The following MAGI2 variants were observed in gnomAD, a reference collection of about 807,000 sequenced individuals.
MAGI2 encodes the protein membrane associated guanylate kinase, WW and PDZ domain containing 2, also known as membrane-associated guanylate kinase, WW and PDZ domain-containing protein 2.
A neutral mutation model predicts 133.3 loss-of-function variants in MAGI2; 35 were observed. The observed-to-expected ratio is 0.26, with a 90% CI of 0.20 to 0.35. MAGI2 has a LOEUF of 0.35. MAGI2 is among the 10% of genes least tolerant of loss of function. The pLI is 1.00. For missense variants in MAGI2, 1,636 were observed against 1,863.4 expected, an observed-to-expected ratio of 0.88 and a Z score of 2.25; for synonymous variants, 729 against 710.6, an observed-to-expected ratio of 1.03 and a Z score of -0.41.
intron 1 of MAGI2, among the ~76,000 whole-genome samples, chr7:79,245,850 G>A (rs950634911): frequency 1.6e-4 from 25 of 152,274 alleles, no homozygotes; most frequent in African/African-American, 5.5e-4. Flanking sequence ...TTCAGGTGTG[G>A]CCCAGCATGG....
intron 1 of MAGI2, chr7:79,411,689 A>G (rs1585883344): frequency 1.3e-5 from 2 of 152,262 alleles, no homozygotes; most frequent in Middle Eastern, 6.8e-3. Context: ...CAGCAGCATT[A>G]CAAAGTTAAC....
At chr7:78,225,324 C>T (rs543342316) in intron 10 of MAGI2, among the ~76,000 whole-genome samples, 1 of 151,908 alleles carries the variant, frequency 6.6e-6, no homozygotes, top group Non-Finnish European at 1.5e-5. Context: ...AGTGAAGACC[C>T]TTCCCACATT....
At chr7:79,126,770 T>C (rs529534416) in intron 1 of MAGI2, among the ~76,000 whole-genome samples, 1 of 151,980 alleles carries the variant, frequency 6.6e-6, no homozygotes, top group Admixed American at 6.6e-5. Flanking sequence ...CCAGACTTTT[T>C]TTTAAAAAAT....
At chr7:78,418,967 A>C (rs773343529) in intron 6 of MAGI2, among the ~76,000 whole-genome samples, 62 of 152,282 alleles carry the variant, frequency 4.1e-4, no homozygotes, top group Non-Finnish European at 7.9e-4. Context: ...GGTCAGCAAG[A>C]AATTGCCCCT....
At chr7:78,105,019 T>G (rs1386256169) in intron 20 of MAGI2, among the ~76,000 whole-genome samples, 2 of 152,234 alleles carry the variant, frequency 1.3e-5, no homozygotes, top group Non-Finnish European at 2.9e-5. Context: ...TTCTGAATTC[T>G]GTTTATCATT....
In MAGI2 at chr7:78,198,293, C is replaced by A. The variant is rs142668747; in HGVS notation, c.2079+2869G>T. Among the ~76,000 whole-genome samples, 1,222 of 152,224 alleles carry A rather than the reference C, an allele frequency of 8.0e-3. 20 individuals carry two copies. Among genetic ancestry groups the A allele is most frequent in the African/African-American group, 0.028 (1,183 of 41,518 alleles). On this transcript the variant is annotated intron_variant, in intron 11 of 21. Coordinates refer to ENST00000354212, the MANE Select transcript of MAGI2 (RefSeq NM_012301.4). ...TTCTATAGCTGAGAGAAGTCTGTAT[C>A]TCTTGGTGAATGAATGGATGTCTGT... is the stretch of plus-strand genomic sequence containing the variant.
intron 6 of MAGI2, among the ~76,000 whole-genome samples, chr7:78,457,866 C>T (rs1440477546): frequency 2.0e-5 from 3 of 152,178 alleles, no homozygotes; most frequent in Non-Finnish European, 4.4e-5. Flanking sequence ...CTTTTCAATA[C>T]ATTATACTTA....
At chr7:78,364,736 T>C (rs1194820981) in intron 7 of MAGI2, among the ~76,000 whole-genome samples, 1 of 152,196 alleles carries the variant, frequency 6.6e-6, no homozygotes, top group Non-Finnish European at 1.5e-5. Context: ...AAATGTACCC[T>C]GCAGACATAA....
At chr7:78,362,366 A>G (rs529221089) in intron 7 of MAGI2, among the ~76,000 whole-genome samples, 2 of 152,320 alleles carry the variant, frequency 1.3e-5, no homozygotes, top group South Asian at 2.1e-4. Context: ...ATGGTAGTTG[A>G]AAAGAAGTAT....
chr7:78,722,483 C>T (rs568098444), intron 2 of MAGI2, among the ~76,000 whole-genome samples: 1 of 152,032 alleles, frequency 6.6e-6, no homozygotes, highest in South Asian at 2.1e-4. Flanking sequence ...TCAAATGTTA[C>T]AAAATGAATT....
chr7:78,380,008 A>G (rs1032499500), intron 6 of MAGI2, among the ~76,000 whole-genome samples: 4 of 152,016 alleles, frequency 2.6e-5, no homozygotes, highest in African/African-American at 9.7e-5. Flanking sequence ...ATTAAATAAA[A>G]AATCTGTAGC....
At chr7:78,313,512 A>G (rs549719319) in intron 9 of MAGI2, among the ~76,000 whole-genome samples, 32 of 152,242 alleles carry the variant, frequency 2.1e-4, no homozygotes, top group African/African-American at 7.5e-4. Flanking sequence ...AGAAACAATG[A>G]TACCAACACA....
rs903551314 is a variant in MAGI2 at position 78,342,751 on chromosome 7, T to C, written c.1408+1027A>G. 1.9e-4 allele frequency among the ~76,000 whole-genome samples: 29 copies of C among 151,654 alleles called. 1 individual carries two copies. Among genetic ancestry groups the C allele is most frequent in the Admixed American group, 1.8e-3 (28 of 15,234 alleles). Reference sequence around the variant, plus strand: ...ACATGTTCTTACTCATAAGTGGGAGTTGAACAATGAGAACACATGGACACA... The same window carrying C: ...ACATGTTCTTACTCATAAGTGGGAGCTGAACAATGAGAACACATGGACACA... On this transcript the variant is annotated intron_variant, in intron 9 of 21. Coordinates refer to ENST00000354212, the MANE Select transcript of MAGI2 (RefSeq NM_012301.4).
chr7:78,197,167 C>T (rs1376682910), intron 11 of MAGI2, among the ~76,000 whole-genome samples: 1 of 152,194 alleles, frequency 6.6e-6, no homozygotes, highest in Non-Finnish European at 1.5e-5. Context: ...TTCTGGGTTT[C>T]CTTGGTCATC....
chr7:78,704,145 G>A (rs1441551852), intron 2 of MAGI2, among the ~76,000 whole-genome samples: 1 of 151,968 alleles, frequency 6.6e-6, no homozygotes. Flanking sequence ...CTACAGAATG[G>A]GAGAAATATG....
chr7:78,872,523 A>G (rs1452983785), intron 2 of MAGI2, among the ~76,000 whole-genome samples: 2 of 152,086 alleles, frequency 1.3e-5, no homozygotes, highest in African/African-American at 4.8e-5. Context: ...AAGAATTTCA[A>G]TCTCAAACCA....
chr7:79,316,454 CAT>C (rs1387275323), intron 1 of MAGI2, among the ~76,000 whole-genome samples: 3 of 152,164 alleles, frequency 2.0e-5, no homozygotes, highest in African/African-American at 4.8e-5. Context: ...TATACACACA[CAT>C]ATATGTGCAC....
intron 9 of MAGI2, among the ~76,000 whole-genome samples, chr7:78,269,229 A>G (rs1312310014): frequency 6.6e-6 from 1 of 152,236 alleles, no homozygotes; most frequent in Non-Finnish European, 1.5e-5. Flanking sequence ...TATTGTGAAC[A>G]GTGCCACAAT....
chr7:79,015,958 A>G (rs1340348657), intron 1 of MAGI2, among the ~76,000 whole-genome samples: 1 of 130,396 alleles, frequency 7.7e-6, no homozygotes, highest in Non-Finnish European at 1.6e-5. Flanking sequence ...GGAACCCTGC[A>G]AAGGGAGTTA....
Sources: allele counts gnomAD v4.1 joint callset (sites outside exome capture counted in the v4.1 genomes callset), GRCh38; gene constraint gnomAD v4.1.1; transcripts MANE v1.5; gene names NCBI Gene and HGNC (gene_info 2026-07-23, HGNC 2026-07-21).